KIAA1958: variants seen among roughly 807,000 people sequenced by gnomAD.
The protein encoded by KIAA1958 is uncharacterized protein KIAA1958.
A neutral mutation model predicts 47.2 loss-of-function variants in KIAA1958; 14 were observed. The observed-to-expected ratio is 0.30, with a 90% CI of 0.20 to 0.46. KIAA1958 has a LOEUF of 0.46. Ranked by LOEUF, KIAA1958 falls within the 20% of genes least tolerant of loss-of-function variation. The pLI is 1.00. For missense variants in KIAA1958, 803 were observed against 909.2 expected (o/e 0.88, Z 1.50); for synonymous variants, 354 against 353.3 (o/e 1.00, Z -0.02).
chr9:112,554,660 C>T (rs1835211339), intron 1 of KIAA1958, among the ~76,000 whole-genome samples: 1 of 152,002 alleles, frequency 6.6e-6, no homozygotes, highest in Non-Finnish European at 1.5e-5. Flanking sequence ...ACACAGATTC[C>T]CAAACCCAAC....
chr9:112,537,604 C>T (rs921097793), intron 1 of KIAA1958, among the ~76,000 whole-genome samples: 1 of 152,324 alleles, frequency 6.6e-6, no homozygotes. Flanking sequence ...TATTACTGTA[C>T]ACCTGCCAGC....
chr9:112,628,741 T>G (rs949720362), intron 2 of KIAA1958, among the ~76,000 whole-genome samples: 1 of 152,234 alleles, frequency 6.6e-6, no homozygotes, highest in Non-Finnish European at 1.5e-5. Context: ...CCTGAGGACT[T>G]TTTGCCTCAG....
chr9:112,602,949 C>T (rs898474347), intron 2 of KIAA1958, among the ~76,000 whole-genome samples: 9 of 152,134 alleles, frequency 5.9e-5, no homozygotes, highest in Admixed American at 4.6e-4. Context: ...GAGTTATCTC[C>T]GTAACCTCCC....
At chr9:112,496,577 A>T (rs1834055212) in intron 1 of KIAA1958, among the ~76,000 whole-genome samples, 1 of 152,174 alleles carries the variant, frequency 6.6e-6, no homozygotes, top group Non-Finnish European at 1.5e-5. Context: ...TTTCAACATA[A>T]AGGAAAAAAT....
At chr9:112,634,801 G>A (rs1235934342) in intron 2 of KIAA1958, among the ~76,000 whole-genome samples, 2 of 152,070 alleles carry the variant, frequency 1.3e-5, no homozygotes, top group African/African-American at 4.8e-5. Flanking sequence ...TACTTTTGGG[G>A]TAGTGATTTT....
Position 112,662,277 on chromosome 9 carries a change from T to G in KIAA1958, c.*2208T>G, listed in dbSNP as rs1303548260. 6.6e-6 allele frequency: 1 copy of G among 152,234 alleles called. No individual in the cohort carries two copies. The highest frequency in any genetic ancestry group is 2.4e-5 in the African/African-American group (1 of 41,472). 9.4% of individuals were successfully genotyped at this position (152,234 alleles called of 1,614,324 possible). On this transcript the variant is annotated 3_prime_UTR_variant, in exon 4 of 4. Transcript: ENST00000337530. ...GTGGCATCTGATGGAATGAAAGAAC[T>G]GTGTCTGAGCAGCCTAAAAGCTGTT...
At chr9:112,546,084 G>T (rs977796991) in intron 1 of KIAA1958, among the ~76,000 whole-genome samples, 4 of 151,978 alleles carry the variant, frequency 2.6e-5, no homozygotes, top group Non-Finnish European at 4.4e-5. Context: ...AGTTCTGCAG[G>T]ACTGGTTTCA....
chr9:112,489,945 T>C (rs897995669), intron 1 of KIAA1958, among the ~76,000 whole-genome samples: 3 of 152,240 alleles, frequency 2.0e-5, no homozygotes, highest in African/African-American at 7.2e-5. Context: ...AGCTGAAAAG[T>C]AACAATTTTA....
chr9:112,597,659 G>A (rs1449701131), intron 2 of KIAA1958, among the ~76,000 whole-genome samples: 1 of 152,166 alleles, frequency 6.6e-6, no homozygotes, highest in African/African-American at 2.4e-5. Flanking sequence ...ATGGAAATCA[G>A]AGTGTTTAAC....
At chr9:112,535,594 G>T (rs1299380876) in intron 1 of KIAA1958, among the ~76,000 whole-genome samples, 1 of 151,974 alleles carries the variant, frequency 6.6e-6, no homozygotes, top group Non-Finnish European at 1.5e-5. Context: ...TTGGATATAT[G>T]CCCAGAAGTA....
chr9:112,639,055 C>T (rs1836854442), intron 2 of KIAA1958, among the ~76,000 whole-genome samples: 1 of 152,102 alleles, frequency 6.6e-6, no homozygotes, highest in African/African-American at 2.4e-5. Context: ...AAGTGATTTC[C>T]TGTGATTTTT....
At chr9:112,615,071 AAT>A (rs768876197) in intron 2 of KIAA1958, among the ~76,000 whole-genome samples, 1 of 152,174 alleles carries the variant, frequency 6.6e-6, no homozygotes, top group Non-Finnish European at 1.5e-5. Context: ...AAGGTTTTTC[AAT>A]ATGTTTCAAT....
chr9:112,513,913 TC>T (rs1834368939), intron 1 of KIAA1958, among the ~76,000 whole-genome samples: 1 of 5,602 alleles, frequency 1.8e-4, no homozygotes, highest in Non-Finnish European at 4.0e-4. Flanking sequence ...GAGGAGCGTC[TC>T]CGCCCGGCCG....
intron 2 of KIAA1958, among the ~76,000 whole-genome samples, chr9:112,613,089 A>G (rs1318811365): frequency 6.6e-6 from 1 of 152,164 alleles, no homozygotes; most frequent in Non-Finnish European, 1.5e-5. Flanking sequence ...AATTATATAT[A>G]ATCAACTGGT....
At chr9:112,589,371 T>C (rs62568627) in intron 2 of KIAA1958, among the ~76,000 whole-genome samples, 16,866 of 151,938 alleles carry the variant, frequency 0.11, 1,380 homozygotes, top group East Asian at 0.2. Context: ...CTGAGGCTGG[T>C]GGATCACCTG....
intron 1 of KIAA1958, among the ~76,000 whole-genome samples, chr9:112,532,564 A>G (rs1184059229): frequency 2.0e-5 from 3 of 152,170 alleles, no homozygotes; most frequent in South Asian, 2.1e-4. Flanking sequence ...GACTGTTGTA[A>G]TAGAAGGTTC....
intron 2 of KIAA1958, among the ~76,000 whole-genome samples, chr9:112,596,574 A>G (rs1277210158): frequency 2.6e-5 from 4 of 152,178 alleles, no homozygotes; most frequent in East Asian, 1.9e-4. Context: ...CTATAGTGTC[A>G]TGGAACAACA....
At chr9:112,584,926 C>T (rs1342291071) in intron 2 of KIAA1958, among the ~76,000 whole-genome samples, 4 of 152,138 alleles carry the variant, frequency 2.6e-5, no homozygotes, top group Non-Finnish European at 5.9e-5. Context: ...TCTAAACTGC[C>T]GACTGCTTCC....
rs1180109806 is a variant in KIAA1958 at position 112,545,938 on chromosome 9, G to GA, written c.-24-28118dup. Reference sequence around the variant, plus strand: ...ATGTATGAAATACATAAACTTGTCAGATGCTTTGTGAGTCTCTCCTGATCT... The same window carrying GA: ...ATGTATGAAATACATAAACTTGTCAGAATGCTTTGTGAGTCTCTCCTGATCT... On this transcript the variant is annotated intron_variant, in intron 1 of 3. Coordinates refer to ENST00000337530, the MANE Select transcript of KIAA1958 (RefSeq NM_133465.4). 6.0e-5 allele frequency among the ~76,000 whole-genome samples: 9 copies of GA among 149,326 alleles called. No individual in the cohort carries two copies. In the East Asian group the frequency reaches 9.9e-4, roughly 16 times the overall value.
Sources: allele counts gnomAD v4.1 joint callset (sites outside exome capture counted in the v4.1 genomes callset), GRCh38; gene constraint gnomAD v4.1.1; transcripts MANE v1.5; gene names NCBI Gene and HGNC (gene_info 2026-07-23, HGNC 2026-07-21).